The following SPTLC2 variants were observed in gnomAD, a reference collection of about 807,000 sequenced individuals.
SPTLC2 encodes the protein serine palmitoyltransferase 2.
In SPTLC2, 21 loss-of-function variants were observed where a neutral mutation model predicts 62.0. The observed-to-expected ratio is 0.34, with a 90% CI of 0.24 to 0.49. SPTLC2 has a LOEUF of 0.49. Among genes scored for constraint, SPTLC2 ranks in the 20% least tolerant of loss-of-function variants. The pLI is 0.99. For missense variants in SPTLC2, 511 were observed against 713.0 expected (o/e 0.72, Z 3.23); for synonymous variants, 261 against 261.8 (o/e 1.00, Z 0.03).
chr14:77,513,590 AT>A (rs2079343887), intron 11 of SPTLC2, among the ~76,000 whole-genome samples: 1 of 152,142 alleles, frequency 6.6e-6, no homozygotes, highest in South Asian at 2.1e-4. Context: ...AGATGTAATA[AT>A]TTAAGACAAA....
intron 9 of SPTLC2, among the ~76,000 whole-genome samples, chr14:77,539,454 CA>C (rs1260494890): frequency 8.7e-6 from 1 of 114,648 alleles, no homozygotes; most frequent in Non-Finnish European, 1.8e-5. Context: ...TCTGAGAATT[CA>C]AAAAAATGAA....
At chr14:77,556,879 A>G (rs2079587054) in intron 7 of SPTLC2, among the ~76,000 whole-genome samples, 162 bp downstream of exon 7, 1 of 152,192 alleles carries the variant, frequency 6.6e-6, no homozygotes, top group Non-Finnish European at 1.5e-5. Flanking sequence ...AGACAAAAAG[A>G]CTTCTGTTCT....
rs139545749 is a variant in SPTLC2 at position 77,611,845 on chromosome 14, G to A, written c.132+4603C>T. On this transcript the variant is annotated intron_variant, in intron 1 of 11. Coordinates refer to ENST00000216484, the MANE Select transcript of SPTLC2 (RefSeq NM_004863.4). ...CGTCTCAAAAAAAAAAAAACCTAAC[G>A]CAGAGATTATCTCAATGTTTTATGA... 4.6e-3 allele frequency among the ~76,000 whole-genome samples: 703 copies of A among 151,284 alleles called. 2 individuals are homozygous for A. Among genetic ancestry groups the A allele is most frequent in the Admixed American group, 7.2e-3 (109 of 15,202 alleles).
chr14:77,616,604 G>T lies in SPTLC2; in HGVS notation c.-25C>A. On this transcript the variant is annotated 5_prime_UTR_variant, in exon 1 of 12. Coordinates refer to ENST00000216484, the MANE Select transcript of SPTLC2 (RefSeq NM_004863.4). ...TCTTCCTGGCAGCACCAGGCGCAAGGCAGGCTCTGTAGGCGGTGGCAGCGG... is the reference window on the plus strand; with the variant it reads ...TCTTCCTGGCAGCACCAGGCGCAAGTCAGGCTCTGTAGGCGGTGGCAGCGG... The T allele has an allele frequency of 6.5e-7, 1 of 1,536,240 alleles. No individual in the cohort carries two copies. Among genetic ancestry groups the T allele is most frequent in the Non-Finnish European group, 8.7e-7 (1 of 1,146,962 alleles).
rs2079331490 is a variant in SPTLC2 at position 77,511,417 on chromosome 14, C to G, written c.*867G>C. On this transcript the variant is annotated 3_prime_UTR_variant, in exon 12 of 12. Coordinates refer to ENST00000216484, the MANE Select transcript of SPTLC2 (RefSeq NM_004863.4). ...TTGCACACTGCCACTGCCCCTGCCC[C>G]TCACCCACCAGGAGTGCACATCACT... 1 of 152,314 alleles carries G rather than the reference C, an allele frequency of 6.6e-6. No individual in the cohort carries two copies. Among genetic ancestry groups the G allele is most frequent in the South Asian group, 2.1e-4 (1 of 4,834 alleles). 9.4% of individuals were successfully genotyped at this position (152,314 alleles called of 1,614,324 possible).
intron 2 of SPTLC2, among the ~76,000 whole-genome samples, chr14:77,579,913 A>C (rs1351961989): frequency 6.6e-6 from 1 of 152,226 alleles, no homozygotes; most frequent in Admixed American, 6.5e-5. Flanking sequence ...GTAAATTAAC[A>C]AAGTAGTCCT....
At position 77,552,237 on chromosome 14, in the gene SPTLC2, G is replaced by A. The variant is rs753919915; in HGVS notation, c.1177-15C>T. ...TCTATCAGCTCCTGGGGAGTTCACA[G>A]AGGCAGATAAGTAGAGACAATTCTT... On this transcript the variant is annotated splice_polypyrimidine_tract_variant and intron_variant, in intron 8 of 11. Coordinates refer to ENST00000216484, the MANE Select transcript of SPTLC2 (RefSeq NM_004863.4). The A allele has an allele frequency of 1.2e-6, 2 of 1,613,912 alleles. No individual in the cohort carries two copies. The highest frequency in any genetic ancestry group is 1.3e-5 in the African/African-American group (1 of 75,044).
chr14:77,540,297 G>T (rs1190178452), intron 9 of SPTLC2, among the ~76,000 whole-genome samples: 2 of 151,486 alleles, frequency 1.3e-5, no homozygotes, highest in Admixed American at 6.6e-5. Context: ...GCCTTAAAAG[G>T]CCTGAAACAT....
chr14:77,532,544 G>A (rs2079445820), intron 9 of SPTLC2, among the ~76,000 whole-genome samples: 1 of 152,124 alleles, frequency 6.6e-6, no homozygotes, highest in Non-Finnish European at 1.5e-5. Flanking sequence ...CAGCACTTTG[G>A]GAGGCCGAGG....
chr14:77,526,580 A>C (rs1415146130), intron 9 of SPTLC2, among the ~76,000 whole-genome samples: 1 of 152,180 alleles, frequency 6.6e-6, no homozygotes, highest in Non-Finnish European at 1.5e-5. Context: ...GTTTGTTAGA[A>C]TAAAACTATT....
At chr14:77,582,314 A>C (rs1423498740) in intron 2 of SPTLC2, among the ~76,000 whole-genome samples, 2 of 152,150 alleles carry the variant, frequency 1.3e-5, no homozygotes, top group Non-Finnish European at 2.9e-5. Context: ...TCAGCCTCCC[A>C]AAGTGCTGAG....
chr14:77,610,252 T>C (rs2079928067), intron 1 of SPTLC2, among the ~76,000 whole-genome samples: 1 of 152,114 alleles, frequency 6.6e-6, no homozygotes. Flanking sequence ...GCGATTCTAC[T>C]ACCTCAGACT....
Position 77,510,119 on chromosome 14 carries a change from TAG to T in SPTLC2, c.*2163_*2164del, listed in dbSNP as rs2079325013. On this transcript the variant is annotated 3_prime_UTR_variant, in exon 12 of 12. Coordinates refer to ENST00000216484, the MANE Select transcript of SPTLC2 (RefSeq NM_004863.4). Reference sequence around the variant, plus strand: ...AAGGTTGACAATGTATTTGATTTTATAGGACTCCTATTTAGTTACCACAACCT... The same window carrying T: ...AAGGTTGACAATGTATTTGATTTTATGACTCCTATTTAGTTACCACAACCT... 6 of 395,060 alleles carry T rather than the reference TAG, an allele frequency of 1.5e-5. No individual in the cohort carries two copies. The East Asian group carries it at 2.2e-4, about 14-fold the overall frequency. The allele number at this position is 395,060 out of a possible 1,614,324, so 24.5% of individuals were successfully genotyped here.
At chr14:77,576,396 C>A (rs925499043) in intron 4 of SPTLC2, among the ~76,000 whole-genome samples, 2 of 152,166 alleles carry the variant, frequency 1.3e-5, no homozygotes, top group African/African-American at 4.8e-5. Flanking sequence ...TTATTATTAG[C>A]CCCCATGTAC....
Position 77,510,168 on chromosome 14 carries a change from A to C in SPTLC2, c.*2116T>G. The C allele has an allele frequency of 2.6e-6, 1 of 381,400 alleles. No individual in the cohort carries two copies. The allele number at this position is 381,400 out of a possible 1,614,324, so 23.6% of individuals were successfully genotyped here. A position where few individuals can be genotyped will look rare whatever the true frequency, so the allele number is the denominator to read the frequency against. On this transcript the variant is annotated 3_prime_UTR_variant, in exon 12 of 12. Coordinates refer to ENST00000216484, the MANE Select transcript of SPTLC2 (RefSeq NM_004863.4). The stretch of plus-strand genomic sequence containing the variant: ...ACCTCCTTCTTACTTTAACCTATAC[A>C]TGCTAAATATAGTCTCTGCATCTCT...
In SPTLC2 at chr14:77,510,513, C is replaced by T. The variant is rs1189506308; in HGVS notation, c.*1771G>A. Reference sequence around the variant, plus strand: ...TTTGAGACACAGTTTTGCTCTGTCACCCAGGCTAGAGTGCAGTGGCACAAT... The same window carrying T: ...TTTGAGACACAGTTTTGCTCTGTCATCCAGGCTAGAGTGCAGTGGCACAAT... On this transcript the variant is annotated 3_prime_UTR_variant, in exon 12 of 12. Coordinates refer to ENST00000216484, the MANE Select transcript of SPTLC2 (RefSeq NM_004863.4). The T allele has an allele frequency of 6.6e-6, 1 of 152,088 alleles. No individual in the cohort carries two copies. The highest frequency in any genetic ancestry group is 1.9e-4 in the East Asian group (1 of 5,196). The allele number at this position is 152,088 out of a possible 1,614,324, so 9.4% of individuals were successfully genotyped here. A position where few individuals can be genotyped will look rare whatever the true frequency, so the allele number is the denominator to read the frequency against.
Position 77,616,451 on chromosome 14 carries a change from G to A in SPTLC2, c.129C>T (p.Gly43=), listed in dbSNP as rs1461030615. The change falls in exon 1 of 12, where the codon GGC becomes GGT. Residue 43 remains glycine (G), a synonymous_variant. Transcript: ENST00000216484. ...CCGCCGCGCGGGCCCCTCGTACCTG[G>A]CCGGCGGCGGCTGCGGCTGCGGCTG... is the stretch of plus-strand genomic sequence containing the variant. ...SAAAAAAAAA[G]QIHHVTQNGG... 2.0e-6 allele frequency: 3 copies of A among 1,483,858 alleles called. No individual in the cohort carries two copies. The highest frequency in any genetic ancestry group is 2.7e-6 in the Non-Finnish European group (3 of 1,122,522). The allele number at this position is 1,483,858 out of a possible 1,614,324, so 91.9% of individuals were successfully genotyped here.
intron 9 of SPTLC2, among the ~76,000 whole-genome samples, chr14:77,547,212 G>C (rs779749721): frequency 6.6e-6 from 1 of 151,186 alleles, no homozygotes; most frequent in Non-Finnish European, 1.5e-5. Context: ...ATTCTAGGCA[G>C]AAAGTCACAA....
intron 2 of SPTLC2, among the ~76,000 whole-genome samples, chr14:77,583,268 G>A (rs536040079): frequency 6.6e-6 from 1 of 151,052 alleles, no homozygotes; most frequent in East Asian, 1.9e-4. Flanking sequence ...AAGATGAGAA[G>A]GGCAGCAAAC....
Sources: allele counts gnomAD v4.1 joint callset (sites outside exome capture counted in the v4.1 genomes callset), GRCh38; gene constraint gnomAD v4.1.1; transcripts MANE v1.5; gene names NCBI Gene and HGNC (gene_info 2026-07-23, HGNC 2026-07-21).